Variants in FARS2 observed in about 807,000 individuals in gnomAD.
FARS2 encodes the protein phenylalanine--tRNA ligase, mitochondrial.
A neutral mutation model predicts 46.4 loss-of-function variants in FARS2; 40 were observed. The observed-to-expected ratio is 0.86, with a 90% CI of 0.67 to 1.12. FARS2 has a LOEUF of 1.12. FARS2 is among the 50% of genes most tolerant of loss of function. The pLI is 0.00. For missense variants in FARS2, 513 were observed against 567.9 expected, an observed-to-expected ratio of 0.90 and a Z score of 0.98; for synonymous variants, 234 against 214.9, an observed-to-expected ratio of 1.09 and a Z score of -0.78.
At chr6:5,557,566 A>G (rs949611911) in intron 5 of FARS2, among the ~76,000 whole-genome samples, 5 of 152,142 alleles carry the variant, frequency 3.3e-5, no homozygotes, top group African/African-American at 1.2e-4. Flanking sequence ...ATGCTTTTGC[A>G]TTATTTCACA....
chr6:5,456,975 CT>C (rs1022813262), intron 4 of FARS2: 3 of 152,212 alleles, frequency 2.0e-5, no homozygotes, highest in Non-Finnish European at 4.4e-5. Context: ...AGGGTCTCCC[CT>C]GCTGTTGGAT....
At chr6:5,611,311 C>G (rs1775171275) in intron 5 of FARS2, among the ~76,000 whole-genome samples, 1 of 152,126 alleles carries the variant, frequency 6.6e-6, no homozygotes, top group Admixed American at 6.5e-5. Flanking sequence ...TTTAAGAAAC[C>G]CAGTAGGCTG....
intron 2 of FARS2, among the ~76,000 whole-genome samples, chr6:5,389,851 T>C (rs1760380854): frequency 8.2e-6 from 1 of 121,418 alleles, no homozygotes; most frequent in Non-Finnish European, 1.6e-5. Context: ...TTGTTGTTGT[T>C]ATTGTTGTTT....
At chr6:5,766,454 T>C (rs1478707129) in intron 6 of FARS2, among the ~76,000 whole-genome samples, 1 of 152,266 alleles carries the variant, frequency 6.6e-6, no homozygotes, top group African/African-American at 2.4e-5. Context: ...ATTCTTCCTG[T>C]CCAGCTGTGC....
chr6:5,323,459 GA>G (rs1304930554), intron 1 of FARS2, among the ~76,000 whole-genome samples: 17 of 152,266 alleles, frequency 1.1e-4, no homozygotes. Context: ...TATGACTCGA[GA>G]GATGCTGAAA....
chr6:5,729,737 G>T (rs921488294), intron 6 of FARS2, among the ~76,000 whole-genome samples: 1 of 151,914 alleles, frequency 6.6e-6, no homozygotes, highest in Non-Finnish European at 1.5e-5. Flanking sequence ...TCTCTGCTTT[G>T]TTTTTGTTTT....
chr6:5,755,996 G>A (rs185482080), intron 6 of FARS2, among the ~76,000 whole-genome samples: 61 of 152,294 alleles, frequency 4.0e-4, no homozygotes, highest in African/African-American at 1.3e-3. Context: ...CTGTGCCAAG[G>A]ATATGTTTTG....
At chr6:5,507,424 G>A (rs565850269) in intron 4 of FARS2, among the ~76,000 whole-genome samples, 5 of 152,038 alleles carry the variant, frequency 3.3e-5, no homozygotes, top group South Asian at 2.1e-4. Context: ...CTGTTGATTC[G>A]TAATGGCTGA....
chr6:5,381,614 T>G (rs1169739118), intron 2 of FARS2, among the ~76,000 whole-genome samples: 1 of 152,228 alleles, frequency 6.6e-6, no homozygotes, highest in Non-Finnish European at 1.5e-5. Flanking sequence ...CAATCCTCTC[T>G]CTTTCCACAT....
At chr6:5,370,645 C>T (rs1401588467) in intron 2 of FARS2, among the ~76,000 whole-genome samples, 1 of 152,076 alleles carries the variant, frequency 6.6e-6, no homozygotes, top group Non-Finnish European at 1.5e-5. Context: ...GATTTGTAAG[C>T]CTGCATGCCA....
chr6:5,338,488 T>C (rs1269025271), intron 1 of FARS2, among the ~76,000 whole-genome samples: 1 of 152,216 alleles, frequency 6.6e-6, no homozygotes, highest in Non-Finnish European at 1.5e-5. Context: ...AGAGTTCATA[T>C]GGAACGTGGC....
At chr6:5,432,498 T>C (rs949969104) in intron 4 of FARS2, among the ~76,000 whole-genome samples, 4 of 122,978 alleles carry the variant, frequency 3.3e-5, no homozygotes, top group African/African-American at 9.7e-5. Flanking sequence ...ATATTATATA[T>C]ATTTTTTATA....
In FARS2 at chr6:5,765,387, G is replaced by A. The variant is rs773687953; in HGVS notation, c.1218-5904G>A. 6.6e-5 allele frequency among the ~76,000 whole-genome samples: 10 copies of A among 152,346 alleles called. No homozygotes were observed. Among genetic ancestry groups the A allele is most frequent in the East Asian group, 1.9e-4 (1 of 5,186 alleles). ...TCTCTCAGAAGGGGAGCTGACGGGC[G>A]GCAGTGGGAGAGTGGAAGAGGTGGG... On this transcript the variant is annotated intron_variant, in intron 6 of 6. Transcript: ENST00000274680. This position sits in a 1 kb window ranked among gnomAD's most constrained non-coding sequence, Gnocchi z 4.0.
At chr6:5,414,317 T>C (rs1762096347) in intron 3 of FARS2, among the ~76,000 whole-genome samples, 1 of 152,212 alleles carries the variant, frequency 6.6e-6, no homozygotes, top group African/African-American at 2.4e-5. Flanking sequence ...TTTGACATAA[T>C]TATACACACA....
intron 6 of FARS2, among the ~76,000 whole-genome samples, chr6:5,715,478 C>G (rs564838305): frequency 1.5e-4 from 23 of 152,290 alleles, no homozygotes; most frequent in African/African-American, 5.1e-4. Context: ...CCCCTGTCTC[C>G]TTGTTCCTGA....
intron 6 of FARS2, among the ~76,000 whole-genome samples, chr6:5,768,201 T>C (rs1446974862): frequency 6.6e-6 from 1 of 152,236 alleles, no homozygotes; most frequent in African/African-American, 2.4e-5. Context: ...GCAAACCTGG[T>C]TGACTTTCAC....
chr6:5,406,236 C>T (rs1761585097), intron 3 of FARS2, among the ~76,000 whole-genome samples: 2 of 152,164 alleles, frequency 1.3e-5, no homozygotes, highest in Admixed American at 6.5e-5. Flanking sequence ...GTGTAATTAA[C>T]ATAAAGTAAG....
At chr6:5,356,457 G>A (rs1757935087) in intron 1 of FARS2, among the ~76,000 whole-genome samples, 1 of 152,072 alleles carries the variant, frequency 6.6e-6, no homozygotes, top group African/African-American at 2.4e-5. Context: ...TCAAATGATA[G>A]GTAGATAGAT....
intron 1 of FARS2, among the ~76,000 whole-genome samples, chr6:5,349,872 G>C (rs1031785361): frequency 2.0e-5 from 3 of 151,238 alleles, no homozygotes; most frequent in African/African-American, 7.3e-5. Context: ...TTTTAGACTG[G>C]AGTTATATGT....
Sources: allele counts gnomAD v4.1 joint callset (sites outside exome capture counted in the v4.1 genomes callset), GRCh38; gene constraint gnomAD v4.1.1; non-coding constraint Gnocchi (gnomAD v3.1); transcripts MANE v1.5; gene names NCBI Gene and HGNC (gene_info 2026-07-23, HGNC 2026-07-21).